Variants in DKK2 observed in about 807,000 individuals in gnomAD.
DKK2 encodes dickkopf Wnt signaling pathway inhibitor 2, also known as dickkopf-related protein 2.
A neutral mutation model predicts 28.1 loss-of-function variants in DKK2; 11 were observed. The ratio of observed to expected loss-of-function variants is 0.39; its 90% confidence interval spans 0.25 to 0.65. The LOEUF (loss-of-function observed/expected upper bound fraction) is 0.65. DKK2 is among the 30% of genes least tolerant of loss of function. DKK2 has a pLI of 0.47. For synonymous variants in DKK2, 135 were observed against 126.5 expected (o/e 1.07, Z -0.45); for missense variants, 326 against 335.5 (o/e 0.97, Z 0.22).
At chr4:106,964,941 TTAGATATAGATAGA>T (rs1326090596) in intron 1 of DKK2, among the ~76,000 whole-genome samples, 4 of 147,310 alleles carry the variant, frequency 2.7e-5, no homozygotes, top group South Asian at 2.2e-4. Flanking sequence ...AGATGATAGA[TTAGATATAGATAGA>T]TAGATATAGA....
chr4:106,967,049 G>A (rs576999765), intron 1 of DKK2, among the ~76,000 whole-genome samples: 1 of 152,214 alleles, frequency 6.6e-6, no homozygotes, highest in East Asian at 1.9e-4. Flanking sequence ...TGTATTTAAA[G>A]CTTTACAGTT....
intron 1 of DKK2, among the ~76,000 whole-genome samples, chr4:106,933,624 T>C (rs916398809): frequency 6.6e-6 from 1 of 152,206 alleles, no homozygotes; most frequent in Non-Finnish European, 1.5e-5. Flanking sequence ...TTATATTTTG[T>C]ATCCAGTGGG....
Position 106,935,066 on chromosome 4 carries a change from A to G in DKK2, c.223-9117T>C, listed in dbSNP as rs1174698764. Among the ~76,000 whole-genome samples, 6 of 152,104 alleles carry G rather than the reference A, an allele frequency of 3.9e-5. No individual in the cohort carries two copies. The East Asian group carries it at 1.2e-3, about 29-fold the overall frequency. The stretch of plus-strand genomic sequence containing the variant: ...CAACAGTGATCACCACAAAGTTTAA[A>G]TAGACTAATAAACCTTTTGGTTAAA... On this transcript the variant is annotated intron_variant, in intron 1 of 3. Transcript: ENST00000285311.
At chr4:106,943,566 A>G (rs1462226017) in intron 1 of DKK2, among the ~76,000 whole-genome samples, 1 of 152,104 alleles carries the variant, frequency 6.6e-6, no homozygotes, top group Non-Finnish European at 1.5e-5. Flanking sequence ...TACAGTATAG[A>G]GGGAAGAGTA....
intron 1 of DKK2, among the ~76,000 whole-genome samples, chr4:107,016,343 C>G (rs1216628679): frequency 6.6e-6 from 1 of 151,900 alleles, no homozygotes; most frequent in African/African-American, 2.4e-5. Flanking sequence ...ACAAATGCTA[C>G]TTGGTAATTT....
Position 106,923,914 on chromosome 4 carries a change from A to G in DKK2, c.*40T>C. The G allele has an allele frequency of 6.2e-7, 1 of 1,605,380 alleles. No individual in the cohort carries two copies. The highest frequency in any genetic ancestry group is 8.5e-7 in the Non-Finnish European group (1 of 1,173,148). ...CCATGCTATAATGCATTAAATACAC[A>G]ACTTCACAGTCTGCAATTGATGATG... is the stretch of plus-strand genomic sequence containing the variant. On this transcript the variant is annotated 3_prime_UTR_variant, in exon 4 of 4. Transcript: ENST00000285311.
intron 1 of DKK2, among the ~76,000 whole-genome samples, chr4:106,940,700 G>A (rs1264539193): frequency 2.9e-4 from 44 of 151,160 alleles, no homozygotes; most frequent in Admixed American, 2.9e-3. Flanking sequence ...CAAAGACTTG[G>A]AACCAACCTA....
chr4:106,948,483 G>T (rs150494184), intron 1 of DKK2, among the ~76,000 whole-genome samples: 2 of 152,216 alleles, frequency 1.3e-5, no homozygotes, highest in African/African-American at 4.8e-5. Flanking sequence ...GCTTGTAGGG[G>T]GTACTTGCTT....
intron 1 of DKK2, among the ~76,000 whole-genome samples, chr4:106,996,087 A>C (rs771253165): frequency 6.6e-6 from 1 of 152,196 alleles, no homozygotes; most frequent in African/African-American, 2.4e-5. Flanking sequence ...AACAACAAAA[A>C]GTCTACATTG....
chr4:106,995,230 T>C (rs1301268478), intron 1 of DKK2, among the ~76,000 whole-genome samples: 2 of 152,168 alleles, frequency 1.3e-5, no homozygotes, highest in African/African-American at 4.8e-5. Flanking sequence ...TTTGTTATTC[T>C]TTTTATTTTA....
At chr4:106,925,700 T>C in intron 2 of DKK2, 99 bp downstream of exon 2, 1 of 1,450,896 alleles carries the variant, frequency 6.9e-7, no homozygotes, top group Non-Finnish European at 9.2e-7. Context: ...GCTTCTTATA[T>C]TTCAGGAGTC....
intron 1 of DKK2, among the ~76,000 whole-genome samples, chr4:107,026,403 A>C (rs940858441): frequency 1.3e-5 from 2 of 152,196 alleles, no homozygotes; most frequent in Non-Finnish European, 2.9e-5. Flanking sequence ...AAAGATAAAT[A>C]TATACTGTTT....
intron 1 of DKK2, among the ~76,000 whole-genome samples, chr4:106,990,954 C>T (rs1028417250): frequency 7.2e-5 from 11 of 151,802 alleles, no homozygotes; most frequent in African/African-American, 1.2e-4. Context: ...ATCAATAGCT[C>T]GAATATTTTG....
chr4:106,946,961 T>C (rs555730950), intron 1 of DKK2, among the ~76,000 whole-genome samples: 1 of 152,224 alleles, frequency 6.6e-6, no homozygotes, highest in East Asian at 1.9e-4. Flanking sequence ...CCTACTAATG[T>C]AGGCATTTTA....
chr4:106,988,047 A>G (rs911002895), intron 1 of DKK2, among the ~76,000 whole-genome samples: 10 of 152,000 alleles, frequency 6.6e-5, no homozygotes, highest in Non-Finnish European at 1.2e-4. Context: ...TATATTTTTA[A>G]TAGAGACAGG....
Position 106,936,689 on chromosome 4 carries a change from C to T in DKK2, c.223-10740G>A, listed in dbSNP as rs371254871. 4.4e-4 allele frequency among the ~76,000 whole-genome samples: 67 copies of T among 152,052 alleles called. 1 individual carries two copies. Among genetic ancestry groups the T allele is most frequent in the Admixed American group, 3.3e-4 (5 of 15,266 alleles). On this transcript the variant is annotated intron_variant, in intron 1 of 3. Coordinates refer to ENST00000285311, the MANE Select transcript of DKK2 (RefSeq NM_014421.3). Reference sequence around the variant, plus strand: ...TCGGATTCACCAAGGTTGAAATGAACGAAAAAATGTTAAGGGCAGCCAGAG... The same window carrying T: ...TCGGATTCACCAAGGTTGAAATGAATGAAAAAATGTTAAGGGCAGCCAGAG...
At chr4:106,935,203 C>T (rs1051705154) in intron 1 of DKK2, among the ~76,000 whole-genome samples, 2 of 152,138 alleles carry the variant, frequency 1.3e-5, no homozygotes, top group African/African-American at 4.8e-5. Flanking sequence ...ATCTGAGGTA[C>T]CGGGTTCATC....
intron 1 of DKK2, among the ~76,000 whole-genome samples, chr4:106,931,035 C>T (rs1724495435): frequency 1.3e-5 from 2 of 152,230 alleles, no homozygotes; most frequent in South Asian, 4.1e-4. Context: ...CAAAATCAAA[C>T]ACTAAAATGC....
chr4:106,948,884 T>TA (rs1215151972), intron 1 of DKK2, among the ~76,000 whole-genome samples: 1 of 152,194 alleles, frequency 6.6e-6, no homozygotes, highest in Non-Finnish European at 1.5e-5. Flanking sequence ...TGTTAATCAC[T>TA]AGCCAAGTCA....
Sources: gnomAD v4.1 joint callset for allele counts (sites outside exome capture counted in the v4.1 genomes callset) on GRCh38, gnomAD v4.1.1 for gene constraint, MANE v1.5 for transcripts, NCBI Gene and HGNC (gene_info 2026-07-23, HGNC 2026-07-21) for gene names.